WNT7A: variants seen among roughly 807,000 people sequenced by gnomAD.
The protein encoded by WNT7A is protein Wnt-7a.
Under a neutral mutation model 28.2 loss-of-function variants are expected in WNT7A, and 16 were observed. The observed-to-expected ratio is 0.57, with a 90% CI of 0.38 to 0.86. The LOEUF (loss-of-function observed/expected upper bound fraction) is 0.86, where lower values mean the gene tolerates loss of function less well. Ranked by LOEUF, WNT7A falls within the 40% of genes least tolerant of loss-of-function variation. The probability of loss-of-function intolerance (pLI) is 0.00; values close to 1 mark genes in which losing one functional copy is unlikely to be tolerated. For synonymous variants in WNT7A, 190 were observed against 195.9 expected (o/e 0.97, Z 0.25); for missense variants, 411 against 489.7 (o/e 0.84, Z 1.52).
intron 1 of WNT7A, among the ~76,000 whole-genome samples, chr3:13,879,463 C>A (rs1317006268): frequency 6.6e-6 from 1 of 152,160 alleles, no homozygotes; most frequent in African/African-American, 2.4e-5. Flanking sequence ...AGCAGCTAGC[C>A]CTCCCCCAGA....
At chr3:13,863,537 A>C (rs1286376221) in intron 2 of WNT7A, 1 of 152,164 alleles carries the variant, frequency 6.6e-6, no homozygotes, top group Admixed American at 6.5e-5. Context: ...ATAACAAAAG[A>C]GTCATCTCAG....
chr3:13,853,589 C>T (rs1436223647), intron 3 of WNT7A, among the ~76,000 whole-genome samples: 1 of 152,210 alleles, frequency 6.6e-6, no homozygotes. Flanking sequence ...CTGTCTCCTC[C>T]AGGAAGCCCA....
chr3:13,835,336 G>T (rs1694349666), intron 3 of WNT7A, among the ~76,000 whole-genome samples: 1 of 152,244 alleles, frequency 6.6e-6, no homozygotes, highest in Non-Finnish European at 1.5e-5. Flanking sequence ...GCTCAGTCAG[G>T]TAGAACCAGA....
At chr3:13,820,983 C>T (rs1359524769) in intron 3 of WNT7A, among the ~76,000 whole-genome samples, 1 of 152,236 alleles carries the variant, frequency 6.6e-6, no homozygotes, top group African/African-American at 2.4e-5. Context: ...CCACACGCAG[C>T]CCATGCTGGA....
At chr3:13,855,767 A>G (rs1438617283) in intron 2 of WNT7A, among the ~76,000 whole-genome samples, 2 of 152,128 alleles carry the variant, frequency 1.3e-5, no homozygotes, top group Non-Finnish European at 2.9e-5. Flanking sequence ...AGCCCTGAGG[A>G]GCACTGGGCA....
In WNT7A at chr3:13,819,319, G is replaced by C. The variant is rs757440069; in HGVS notation, c.675C>G (p.Gly225=). 36 of 1,613,344 alleles carry C rather than the reference G, an allele frequency of 2.2e-5. No homozygotes were observed. The highest frequency in any genetic ancestry group is 3.0e-5 in the Non-Finnish European group (35 of 1,179,490). Residue 225 remains glycine, a synonymous_variant, in exon 4 of 4, where the codon GGC becomes GGG. Coordinates refer to ENST00000285018, the MANE Select transcript of WNT7A (RefSeq NM_004625.4). ...WTTLPQFREL[G]YVLKDKYNEA... ...CGTTGTACTTGTCCTTGAGCACGTA[G>C]CCCAGCTCCCGAAACTGTGGCAGTG...
At chr3:13,869,095 A>G (rs1694985850) in intron 2 of WNT7A, among the ~76,000 whole-genome samples, 2 of 150,228 alleles carry the variant, frequency 1.3e-5, no homozygotes, top group African/African-American at 4.9e-5. Context: ...AGGGAGAGAG[A>G]AAGAGAAAGA....
At chr3:13,862,145 A>T (rs1694840991) in intron 2 of WNT7A, among the ~76,000 whole-genome samples, 1 of 152,212 alleles carries the variant, frequency 6.6e-6, no homozygotes, top group Admixed American at 6.5e-5. Context: ...AAGTTGTGAA[A>T]ATTAAATGAG....
intron 3 of WNT7A, among the ~76,000 whole-genome samples, chr3:13,833,674 T>G (rs533919814): frequency 4.5e-4 from 68 of 152,296 alleles, no homozygotes; most frequent in African/African-American, 1.5e-3. Context: ...TCCCAGAGTC[T>G]AGGTTAGTGG....
chr3:13,878,527 C>A (rs966924085), intron 1 of WNT7A, among the ~76,000 whole-genome samples: 3 of 152,184 alleles, frequency 2.0e-5, no homozygotes, highest in Non-Finnish European at 2.9e-5. Flanking sequence ...CGCCGCTGGT[C>A]GGGCTGGCGG....
At chr3:13,826,206 C>T (rs942559504) in intron 3 of WNT7A, among the ~76,000 whole-genome samples, 1 of 152,194 alleles carries the variant, frequency 6.6e-6, no homozygotes, top group Non-Finnish European at 1.5e-5. Flanking sequence ...CCCCACCTTC[C>T]CTGAGTTTGC....
chr3:13,860,389 C>G (rs567757355), intron 2 of WNT7A, among the ~76,000 whole-genome samples: 127 of 152,324 alleles, frequency 8.3e-4, no homozygotes, highest in Non-Finnish European at 1.4e-3. Flanking sequence ...GACATCAACT[C>G]TTGTCAGAAT....
chr3:13,863,188 C>T (rs1694859729), intron 2 of WNT7A, among the ~76,000 whole-genome samples: 1 of 152,182 alleles, frequency 6.6e-6, no homozygotes, highest in Admixed American at 6.5e-5. Context: ...TGGTTAGCAC[C>T]TTATCCATCA....
chr3:13,833,161 C>A (rs9823933), intron 3 of WNT7A, among the ~76,000 whole-genome samples: 3,308 of 152,188 alleles, frequency 0.022, 125 homozygotes, highest in African/African-American at 0.075. Context: ...TGGCCCCATG[C>A]AACCCCCCAC....
chr3:13,820,984 C>G (rs1224719190), intron 3 of WNT7A, among the ~76,000 whole-genome samples: 1 of 152,196 alleles, frequency 6.6e-6, no homozygotes, highest in Non-Finnish European at 1.5e-5. Context: ...CACACGCAGC[C>G]CATGCTGGAT....
chr3:13,858,688 C>T (rs201816350), intron 2 of WNT7A, among the ~76,000 whole-genome samples: 1 of 152,152 alleles, frequency 6.6e-6, no homozygotes, highest in Non-Finnish European at 1.5e-5. Flanking sequence ...CTGCCCCTGA[C>T]AAGCGAAGGC....
rs397514666 is a variant in WNT7A at position 13,875,031 on chromosome 3, C to T, written c.214G>A (p.Glu72Lys). 1.9e-6 allele frequency: 3 copies of T among 1,614,238 alleles called. No individual in the cohort carries two copies. Among genetic ancestry groups the T allele is most frequent in the Non-Finnish European group, 8.5e-7 (1 of 1,180,042 alleles). The change falls in exon 2 of 4, where the codon GAG becomes AAG. Residue 72 changes from glutamate (E) to lysine (K), a missense_variant. Coordinates refer to ENST00000285018, the MANE Select transcript of WNT7A (RefSeq NM_004625.4). ...CCATTGCGGAACTGAAACTGACACT[C>T]GTCCAGGCCCATTTGTGAGCCTTCT... Reference protein sequence around the residue: ...IGEGSQMGLDECQFQFRNGRW... With the variant: ...IGEGSQMGLDKCQFQFRNGRW...
intron 2 of WNT7A, among the ~76,000 whole-genome samples, chr3:13,869,044 A>G (rs1694984729): frequency 6.9e-6 from 1 of 144,080 alleles, no homozygotes; most frequent in African/African-American, 2.6e-5. Context: ...GAGAGAGAGA[A>G]AGGGAGAAAG....
Position 13,867,054 on chromosome 3 carries a change from G to A in WNT7A, c.298+7893C>T, listed in dbSNP as rs895076093. Among the ~76,000 whole-genome samples, 7 of 152,134 alleles carry A rather than the reference G, an allele frequency of 4.6e-5. No individual in the cohort carries two copies. The East Asian group carries it at 7.7e-4, about 17-fold the overall frequency. On this transcript the variant is annotated intron_variant, in intron 2 of 3. Coordinates refer to ENST00000285018, the MANE Select transcript of WNT7A (RefSeq NM_004625.4). ...AGAGCATGGGTCCCGGGTTCCTTGA[G>A]CTTGTGTTCATATGACACGGGCACA... is the stretch of plus-strand genomic sequence containing the variant.
Sources: gnomAD v4.1 joint callset for allele counts (sites outside exome capture counted in the v4.1 genomes callset) on GRCh38, gnomAD v4.1.1 for gene constraint, MANE v1.5 for transcripts, NCBI Gene and HGNC (gene_info 2026-07-23, HGNC 2026-07-21) for gene names.